PCSK5: variants seen among roughly 807,000 people sequenced by gnomAD.
PCSK5 encodes the protein proprotein convertase subtilisin/kexin type 5.
In PCSK5, 129 loss-of-function variants were observed where a neutral mutation model predicts 233.2. The observed-to-expected ratio is 0.55, with a 90% CI of 0.48 to 0.64. The LOEUF is 0.64. Ranked by LOEUF, PCSK5 falls within the 30% of genes least tolerant of loss-of-function variation. The pLI is 0.00. For missense variants in PCSK5, 2,076 were observed against 2,430.1 expected (o/e 0.85, Z 3.06); for synonymous variants, 825 against 879.2 (o/e 0.94, Z 1.09).
At chr9:76,083,613 G>A (rs746079871) in intron 7 of PCSK5, among the ~76,000 whole-genome samples, 7 of 152,196 alleles carry the variant, frequency 4.6e-5, no homozygotes, top group Non-Finnish European at 8.8e-5. Flanking sequence ...ATCCATTGGC[G>A]TATGTCTGTT....
chr9:76,301,780 G>T (rs1030228307), intron 27 of PCSK5, among the ~76,000 whole-genome samples: 3 of 152,140 alleles, frequency 2.0e-5, no homozygotes, highest in Admixed American at 1.3e-4. Flanking sequence ...GGAGCCAGAG[G>T]CTGCAACAAG....
intron 7 of PCSK5, among the ~76,000 whole-genome samples, chr9:76,081,513 G>A (rs1052900701): frequency 2.0e-5 from 3 of 151,094 alleles, no homozygotes; most frequent in South Asian, 4.2e-4. Context: ...ATACATAAAA[G>A]CATATTAAGG....
At chr9:76,160,768 T>C (rs934385740) in intron 12 of PCSK5, among the ~76,000 whole-genome samples, 2 of 138,634 alleles carry the variant, frequency 1.4e-5, no homozygotes, top group Middle Eastern at 3.6e-3. Context: ...GAATCTGATA[T>C]CTTTTTTTTT....
At chr9:75,929,525 G>T (rs1823679077) in intron 1 of PCSK5, among the ~76,000 whole-genome samples, 1 of 151,868 alleles carries the variant, frequency 6.6e-6, no homozygotes, top group South Asian at 2.1e-4. Flanking sequence ...AAACTATGAG[G>T]AAGAGGAGTT....
chr9:76,186,075 G>A (rs904912239), intron 17 of PCSK5, among the ~76,000 whole-genome samples: 1 of 152,008 alleles, frequency 6.6e-6, no homozygotes, highest in African/African-American at 2.4e-5. Context: ...AAAAGATACA[G>A]GGGAAATGAG....
rs1823851834 is a variant in PCSK5, at chr9:75,932,417, C to T, written c.231C>T (p.Ser77=). 4 of 1,612,926 alleles carry T rather than the reference C, an allele frequency of 2.5e-6. No homozygotes were observed. The highest frequency in any genetic ancestry group is 3.3e-5 in the Admixed American group (2 of 59,982). Reference sequence around the variant, plus strand: ...AGGACTACTACCACTTCTACCATAGCAGGACGATTAAAAGGTCAGTTATCT... The same window carrying T: ...AGGACTACTACCACTTCTACCATAGTAGGACGATTAAAAGGTCAGTTATCT... ...ALKDYYHFYH[S]RTIKRSVISS... The change falls in exon 2 of 38, where the codon AGC becomes AGT. Residue 77 remains serine, a synonymous_variant. Transcript: ENST00000674117.
chr9:76,318,011 T>C (rs1265606377), intron 30 of PCSK5, among the ~76,000 whole-genome samples: 1 of 152,172 alleles, frequency 6.6e-6, no homozygotes, highest in Non-Finnish European at 1.5e-5. Context: ...AACTCACTAA[T>C]GGATCATGAT....
chr9:76,282,397 G>A (rs149139028), intron 24 of PCSK5, among the ~76,000 whole-genome samples: 18 of 130,354 alleles, frequency 1.4e-4, no homozygotes, highest in African/African-American at 5.3e-4. Flanking sequence ...TTGACTCACT[G>A]CAGCCTTGAC....
intron 5 of PCSK5, among the ~76,000 whole-genome samples, chr9:76,056,540 A>G (rs1056734964): frequency 2.0e-5 from 3 of 152,172 alleles, no homozygotes; most frequent in African/African-American, 7.2e-5. Context: ...TTCTCATCTG[A>G]TTTTCCATCT....
At chr9:76,158,000 CTATT>C (rs1197139754) in intron 11 of PCSK5, among the ~76,000 whole-genome samples, 2 of 152,112 alleles carry the variant, frequency 1.3e-5, no homozygotes, top group African/African-American at 2.4e-5. Flanking sequence ...AAGGAATTAT[CTATT>C]TATTCATTCA....
chr9:76,274,118 T>G (rs1827617704), intron 24 of PCSK5, among the ~76,000 whole-genome samples: 2 of 152,042 alleles, frequency 1.3e-5, no homozygotes, highest in Non-Finnish European at 2.9e-5. Flanking sequence ...CCTTTCCTGT[T>G]TTTTAGCTTT....
chr9:76,206,953 G>C (rs1825141022), intron 20 of PCSK5, among the ~76,000 whole-genome samples: 1 of 152,124 alleles, frequency 6.6e-6, no homozygotes, highest in African/African-American at 2.4e-5. Flanking sequence ...GGGTCCAGGG[G>C]AGAATCCATT....
chr9:76,107,482 T>G, intron 9 of PCSK5, 131 bp downstream of exon 9: 1 of 521,202 alleles, frequency 1.9e-6, no homozygotes, highest in Non-Finnish European at 3.3e-6. Context: ...CCTTTAAAAC[T>G]TCAAAGGTTT....
At chr9:76,116,605 GA>G (rs36000293) in intron 9 of PCSK5, among the ~76,000 whole-genome samples, 46,438 of 151,834 alleles carry the variant, frequency 0.31, 7,336 homozygotes, top group Non-Finnish European at 0.34. Context: ...TAAAATGGTG[GA>G]AAAAAACGGC....
intron 35 of PCSK5, among the ~76,000 whole-genome samples, chr9:76,346,136 G>A: frequency 7.7e-6 from 1 of 129,696 alleles, no homozygotes; most frequent in East Asian, 2.4e-4. Flanking sequence ...ACCATTTATT[G>A]ACCAGAGATT....
chr9:76,150,467 C>G (rs1199554967), intron 10 of PCSK5, among the ~76,000 whole-genome samples: 1 of 152,132 alleles, frequency 6.6e-6, no homozygotes, highest in East Asian at 1.9e-4. Flanking sequence ...AACCCCATCT[C>G]TACTAAAAAT....
At chr9:76,279,314 G>T (rs1440373419) in intron 24 of PCSK5, among the ~76,000 whole-genome samples, 1 of 149,258 alleles carries the variant, frequency 6.7e-6, no homozygotes, top group Non-Finnish European at 1.5e-5. Flanking sequence ...GTCTATCATT[G>T]TTGGGCATTT....
At chr9:76,101,976 G>T (rs1237974053) in intron 8 of PCSK5, among the ~76,000 whole-genome samples, 1 of 152,068 alleles carries the variant, frequency 6.6e-6, no homozygotes, top group Non-Finnish European at 1.5e-5. Context: ...TAAAAGTCTA[G>T]TGAATCCAGA....
At position 76,332,470 on chromosome 9, in the gene PCSK5, T is replaced by C. The variant is rs747361643; in HGVS notation, c.4608T>C (p.Tyr1536=). The change falls in exon 34 of 38, where the codon TAT becomes TAC. Residue 1536 remains tyrosine, a synonymous_variant. Coordinates refer to ENST00000674117, the MANE Select transcript of PCSK5 (RefSeq NM_001372043.1). ...TGAAGGACTGCCCAGAGGGCTATTATGCCGATGAGGACAGCAACCGGTGTG... is the reference window on the plus strand; with the variant it reads ...TGAAGGACTGCCCAGAGGGCTATTACGCCGATGAGGACAGCAACCGGTGTG... ...TCVKDCPEGY[Y]ADEDSNRCAH... is the part of the protein sequence containing the mutation. The C allele has an allele frequency of 6.2e-6, 10 of 1,612,644 alleles. No homozygotes were observed. Among genetic ancestry groups the C allele is most frequent in the Non-Finnish European group, 8.5e-7 (1 of 1,179,776 alleles).
Sources: allele counts gnomAD v4.1 joint callset (sites outside exome capture counted in the v4.1 genomes callset), GRCh38; gene constraint gnomAD v4.1.1; transcripts MANE v1.5; gene names NCBI Gene and HGNC (gene_info 2026-07-23, HGNC 2026-07-21).